Variants in GTF2H1 observed in about 807,000 individuals in gnomAD.
GTF2H1 encodes general transcription factor IIH subunit 1, also known as BTF2 p62.
Under a neutral mutation model 71.2 loss-of-function variants are expected in GTF2H1, and 16 were observed. That is an observed-to-expected ratio of 0.22 (90% confidence interval 0.15 to 0.34). GTF2H1 has a LOEUF of 0.34. Ranked by LOEUF, GTF2H1 falls within the 10% of genes least tolerant of loss-of-function variation. The probability of loss-of-function intolerance (pLI) is 1.00; values close to 1 mark genes in which losing one functional copy is unlikely to be tolerated. For missense variants in GTF2H1, 498 were observed against 648.2 expected (o/e 0.77, Z 2.52); for synonymous variants, 215 against 219.0 (o/e 0.98, Z 0.16).
At chr11:18,334,134 C>T (rs1052700795) in intron 2 of GTF2H1, among the ~76,000 whole-genome samples, 1 of 152,150 alleles carries the variant, frequency 6.6e-6, no homozygotes, top group Non-Finnish European at 1.5e-5. Context: ...AATCCCAGCA[C>T]TTTGGGAGGC....
intron 13 of GTF2H1, among the ~76,000 whole-genome samples, chr11:18,359,500 G>A (rs1865646518): frequency 6.6e-6 from 1 of 152,070 alleles, no homozygotes; most frequent in African/African-American, 2.4e-5. Flanking sequence ...CACTGCTAGT[G>A]TTTTTTTAGA....
At chr11:18,365,239 G>T (rs1317526197) in intron 14 of GTF2H1, among the ~76,000 whole-genome samples, 1 of 152,062 alleles carries the variant, frequency 6.6e-6, no homozygotes, top group Non-Finnish European at 1.5e-5. Context: ...TTAGCCAGGT[G>T]TGGTGGCTCA....
At position 18,336,032 on chromosome 11, in the gene GTF2H1, CG is replaced by C. The variant is rs533299724; in HGVS notation, c.347+87del. The C allele has an allele frequency of 1.3e-4, 123 of 922,596 alleles. No homozygotes were observed. In the African/African-American group the frequency reaches 1.9e-3, roughly 14 times the overall value. The allele number at this position is 922,596 out of a possible 1,614,324, so 57.2% of individuals were successfully genotyped here. On this transcript the variant is annotated intron_variant, in intron 3 of 14. Coordinates refer to ENST00000265963, the MANE Select transcript of GTF2H1 (RefSeq NM_005316.4). ...GCTAATAGCTTGTTAGCTATCCCCA[CG>C]TTTTTTCGGTTTTGGTTTTGGTTTT...
intron 14 of GTF2H1, 39 bp downstream of exon 14, chr11:18,360,746 CT>C: frequency 9.9e-7 from 1 of 1,010,844 alleles, no homozygotes; most frequent in Non-Finnish European, 1.5e-6. Flanking sequence ...TCTTCTTTCT[CT>C]TTGTAGTAAA....
At chr11:18,336,544 C>T (rs77266056) in intron 3 of GTF2H1, among the ~76,000 whole-genome samples, 109 of 152,158 alleles carry the variant, frequency 7.2e-4, no homozygotes, top group African/African-American at 2.3e-3. Flanking sequence ...CTTTGGGAAA[C>T]GAGAATGTGC....
At chr11:18,339,725 A>G in intron 5 of GTF2H1, 68 bp downstream of exon 5, 2 of 932,460 alleles carry the variant, frequency 2.1e-6, no homozygotes, top group Non-Finnish European at 3.3e-6. Flanking sequence ...TCAGTGAAAA[A>G]CAAAAAGCTT....
chr11:18,330,310 A>G (rs1328854426), intron 1 of GTF2H1, among the ~76,000 whole-genome samples: 1 of 152,194 alleles, frequency 6.6e-6, no homozygotes, highest in East Asian at 1.9e-4. Flanking sequence ...ACCAGTAATA[A>G]AAAGAATTCA....
At chr11:18,346,107 C>T (rs1487135008) in intron 7 of GTF2H1, among the ~76,000 whole-genome samples, 1 of 152,152 alleles carries the variant, frequency 6.6e-6, no homozygotes, top group Non-Finnish European at 1.5e-5. Flanking sequence ...GTCTCATGAT[C>T]TTTCTTTCAC....
In GTF2H1 at chr11:18,343,516, A is replaced by G. The variant is rs546864843; in HGVS notation, c.837+1909A>G. Among the ~76,000 whole-genome samples, 8 of 152,256 alleles carry G rather than the reference A, an allele frequency of 5.3e-5. No individual in the cohort carries two copies. In the South Asian group the frequency reaches 1.2e-3, roughly 24 times the overall value. ...TAGTAACTATCACAGGCTATGATCT[A>G]TGGCCTCCTGAATGCATTCTCTCTA... On this transcript the variant is annotated intron_variant, in intron 7 of 14. Transcript: ENST00000265963.
intron 2 of GTF2H1, 82 bp from the exon 3 acceptor site, chr11:18,335,672 C>A: frequency 1.0e-6 from 1 of 970,038 alleles, no homozygotes; most frequent in Non-Finnish European, 1.6e-6. Context: ...AATCCTGAAT[C>A]ATCTTGGGAG....
chr11:18,342,175 A>G (rs971267984), intron 7 of GTF2H1, among the ~76,000 whole-genome samples: 5 of 151,790 alleles, frequency 3.3e-5, no homozygotes, highest in African/African-American at 1.2e-4. Context: ...CTTCTAGGCC[A>G]GAACTTGTCT....
chr11:18,357,831 G>A (rs1191391990), intron 11 of GTF2H1, 121 bp from the exon 12 acceptor site: 3 of 711,034 alleles, frequency 4.2e-6, no homozygotes, highest in African/African-American at 3.6e-5. Flanking sequence ...AAATGATGTA[G>A]TATTTAAACA....
Position 18,347,842 on chromosome 11 carries a change from A to T in GTF2H1, c.976A>T (p.Asn326Tyr), listed in dbSNP as rs149175111. Residue 326 changes from asparagine to tyrosine, a missense_variant, in exon 9 of 15, where the codon AAT becomes TAT. Around this residue, in one of 3 missense-constraint regions of GTF2H1, gnomAD observed 266 missense variants for 301.6 expected, o/e 0.88. Coordinates refer to ENST00000265963, the MANE Select transcript of GTF2H1 (RefSeq NM_005316.4). ...AAGLRKQEAQNEQTSEPSNMD... is the reference protein window; with the variant it reads ...AAGLRKQEAQYEQTSEPSNMD... ...CCCCTTTATTTTAAGAGAAGCACAA[A>T]ATGAACAAACTAGTGAGCCCAGCAA... The T allele has an allele frequency of 9.4e-5, 151 of 1,605,098 alleles. No homozygotes were observed. The highest frequency in any genetic ancestry group is 1.2e-4 in the Non-Finnish European group (145 of 1,176,908).
chr11:18,334,240 C>A (rs1864969847), intron 2 of GTF2H1, among the ~76,000 whole-genome samples: 1 of 152,170 alleles, frequency 6.6e-6, no homozygotes, highest in African/African-American at 2.4e-5. Context: ...ATTCTCTGGG[C>A]ATGGTGGCGG....
chr11:18,353,265 CAT>C (rs770867695), intron 11 of GTF2H1, among the ~76,000 whole-genome samples: 87 of 152,266 alleles, frequency 5.7e-4, no homozygotes, highest in Non-Finnish European at 5.0e-4. Flanking sequence ...AAAATAAAAA[CAT>C]GTATTTTATC....
chr11:18,361,930 G>C (rs1388044836), intron 14 of GTF2H1, among the ~76,000 whole-genome samples: 1 of 152,162 alleles, frequency 6.6e-6, no homozygotes, highest in African/African-American at 2.4e-5. Context: ...AACAAGGTTA[G>C]AGCAACCACA....
rs138498738 is a variant in GTF2H1 at position 18,327,241 on chromosome 11, C to CT, written c.-16+4511dup. Among the ~76,000 whole-genome samples, 9 of 147,906 alleles carry CT rather than the reference C, an allele frequency of 6.1e-5. No individual in the cohort carries two copies. In the South Asian group the frequency reaches 6.4e-4, roughly 11 times the overall value. ...GATAGAGAAGAAACTCTTGGGAAGA[C>CT]TTTTTTTTTTAATAACTGCTCTAGT... On this transcript the variant is annotated intron_variant, in intron 1 of 14. Transcript: ENST00000265963.
At chr11:18,323,258 C>A (rs1367753784) in intron 1 of GTF2H1, among the ~76,000 whole-genome samples, 1 of 151,998 alleles carries the variant, frequency 6.6e-6, no homozygotes, top group African/African-American at 2.4e-5. Flanking sequence ...TGTAAATCCC[C>A]CAGTGTTCTC....
In GTF2H1 at chr11:18,335,959, G is replaced by A; in HGVS notation, c.347+13G>A. The A allele has an allele frequency of 1.9e-6, 3 of 1,604,894 alleles. No homozygotes were observed. Among genetic ancestry groups the A allele is most frequent in the Non-Finnish European group, 2.6e-6 (3 of 1,172,974 alleles). ...AAGAGAAGAACAGGTGGGAGGAAAAGAATAGCCTTTTGAAAGAGATACTGG... is the reference window on the plus strand; with the variant it reads ...AAGAGAAGAACAGGTGGGAGGAAAAAAATAGCCTTTTGAAAGAGATACTGG... On this transcript the variant is annotated intron_variant, in intron 3 of 14. Coordinates refer to ENST00000265963, the MANE Select transcript of GTF2H1 (RefSeq NM_005316.4).
Sources: allele counts gnomAD v4.1 joint callset (sites outside exome capture counted in the v4.1 genomes callset), GRCh38; gene constraint gnomAD v4.1.1; regional missense constraint gnomAD v4.1.1; transcripts MANE v1.5; gene names NCBI Gene and HGNC (gene_info 2026-07-23, HGNC 2026-07-21).